WNT5A: variants seen among roughly 807,000 people sequenced by gnomAD.
WNT5A encodes protein Wnt-5a.
WNT5A carries 9 observed loss-of-function variants against 42.1 expected under a neutral mutation model. That is an observed-to-expected ratio of 0.21 (90% CI 0.13 to 0.37). The LOEUF is 0.37. Ranked by LOEUF, WNT5A falls within the 10% of genes least tolerant of loss-of-function variation. The pLI, the probability that WNT5A is intolerant of heterozygous loss-of-function variation, is 1.00. For missense variants in WNT5A, 426 were observed against 534.0 expected, an observed-to-expected ratio of 0.80 and a Z score of 1.99; for synonymous variants, 210 against 210.0, an observed-to-expected ratio of 1.00 and a Z score of 0.00.
chr3:55,470,441 G>T lies in WNT5A; in HGVS notation c.794C>A (p.Ala265Asp). 1 of 1,611,412 alleles carries T rather than the reference G, an allele frequency of 6.2e-7. No homozygotes were observed. Among genetic ancestry groups the T allele is most frequent in the Non-Finnish European group, 8.5e-7 (1 of 1,178,702 alleles). The change falls in exon 5 of 5, where the codon GCC becomes GAC. Residue 265 changes from alanine to aspartate, a missense_variant. By Grantham distance (126) the Ala-to-Asp change is moderately radical (BLOSUM62 -2). Coordinates refer to ENST00000264634, the MANE Select transcript of WNT5A (RefSeq NM_003392.7). ...QLADFRKVGD[A>D]LKEKYDSAAA... Reference sequence around the variant, plus strand: ...CGCGCTGTCGTACTTCTCCTTCAGGGCATCACCCACCTTGCGGAAGTCTGC... The same window carrying T: ...CGCGCTGTCGTACTTCTCCTTCAGGTCATCACCCACCTTGCGGAAGTCTGC...
chr3:55,502,851 TG>T, the WNT5A span, among the ~76,000 whole-genome samples: 2 of 152,224 alleles, frequency 1.3e-5, no homozygotes, highest in African/African-American at 4.8e-5. Flanking sequence ...AGCATTTGTG[TG>T]GGAAAGAGGA....
chr3:55,470,467 C>T lies in WNT5A; in HGVS notation c.768G>A (p.Leu256=). The T allele has an allele frequency of 1.9e-6, 3 of 1,608,910 alleles. No individual in the cohort carries two copies. Among genetic ancestry groups the T allele is most frequent in the South Asian group, 2.2e-5 (2 of 90,080 alleles). The change falls in exon 5 of 5, where the codon CTG becomes CTA. Residue 256 remains leucine, a synonymous_variant. Transcript: ENST00000264634. ...CATCACCCACCTTGCGGAAGTCTGC[C>T]AGCTGCAGCCAGCATGTCTTCAGGC... The part of the protein sequence containing the change: ...SCSLKTCWLQ[L]ADFRKVGDAL...
At chr3:55,488,740 C>T (rs925775083), upstream of WNT5A, among the ~76,000 whole-genome samples, 1 of 152,082 alleles carries the variant, frequency 6.6e-6, no homozygotes, top group Non-Finnish European at 1.5e-5. Context: ...CCAGAGCCAC[C>T]GACCGGCGGG....
chr3:55,466,404 C>T lies in WNT5A; in HGVS notation c.*3688G>A, dbSNP rs1416896488. 6.6e-6 allele frequency: 1 copy of T among 152,024 alleles called. No homozygotes were observed. Among genetic ancestry groups the T allele is most frequent in the South Asian group, 2.1e-4 (1 of 4,810 alleles). 9.4% of individuals were successfully genotyped at this position (152,024 alleles called of 1,614,324 possible). On this transcript the variant is annotated 3_prime_UTR_variant, in exon 5 of 5. Transcript: ENST00000264634. ...ATTCAGAGTATTTACTCTGCTATAG[C>T]GTCATATTTGATAATTCTAGTGGCT...
the WNT5A span, among the ~76,000 whole-genome samples, chr3:55,499,549 T>G: frequency 6.6e-6 from 1 of 152,238 alleles, no homozygotes; most frequent in Non-Finnish European, 1.5e-5. Flanking sequence ...TTTTTTCTGA[T>G]ACTATTTCAT....
intron 3 of WNT5A, 178 bp downstream of exon 3, chr3:55,479,136 A>C: frequency 1.9e-6 from 1 of 528,122 alleles, no homozygotes; most frequent in Middle Eastern, 5.4e-4. Context: ...AAAACTTATC[A>C]TCAGGTGTAG....
chr3:55,497,928 A>C, the WNT5A span, among the ~76,000 whole-genome samples: 35 of 152,340 alleles, frequency 2.3e-4, no homozygotes, highest in South Asian at 6.2e-4. Flanking sequence ...AAGAGCAGTG[A>C]GAGAGAATTA....
chr3:55,470,046 A>C lies in WNT5A; in HGVS notation c.*46T>G. On this transcript the variant is annotated 3_prime_UTR_variant, in exon 5 of 5. Transcript: ENST00000264634. ...AAACCAGAATCACTGTACTTTCTAT[A>C]AATAAGCGGGTCCTGGGAGCGGGGC... 6.2e-7 allele frequency: 1 copy of C among 1,610,498 alleles called. No homozygotes were observed. Among genetic ancestry groups the C allele is most frequent in the Non-Finnish European group, 8.5e-7 (1 of 1,177,024 alleles).
chr3:55,489,760 TCTC>T (rs1478646444), upstream of WNT5A: 4 of 152,308 alleles, frequency 2.6e-5, no homozygotes, highest in Admixed American at 2.6e-4. Flanking sequence ...CCTCTAACCT[TCTC>T]CTCTGTAAAC....
At chr3:55,472,245 C>G (rs562086508) in intron 4 of WNT5A, among the ~76,000 whole-genome samples, 3 of 152,240 alleles carry the variant, frequency 2.0e-5, no homozygotes, top group Non-Finnish European at 2.9e-5. Context: ...GCTTTTCAAA[C>G]TTCCCCAATC....
chr3:55,474,811 G>T (rs1233654661), intron 3 of WNT5A, among the ~76,000 whole-genome samples, 182 bp from the exon 4 acceptor site: 2 of 87,388 alleles, frequency 2.3e-5, no homozygotes, highest in Non-Finnish European at 4.7e-5. Context: ...GAGGTAGGAG[G>T]TGGGGGAGGT....
Position 55,470,350 on chromosome 3 carries a change from G to A in WNT5A, c.885C>T (p.Thr295=). The part of the protein sequence containing the change: ...VQVNSRFNSP[T]TQDLVYIDPS... The stretch of plus-strand genomic sequence containing the variant: ...GGTCGATGTAGACCAGGTCTTGTGT[G>A]GTGGGCGAGTTGAAGCGGCTGTTGA... The change falls in exon 5 of 5, where the codon ACC becomes ACT. Residue 295 remains threonine, a synonymous_variant. Coordinates refer to ENST00000264634, the MANE Select transcript of WNT5A (RefSeq NM_003392.7). 1.9e-6 allele frequency: 3 copies of A among 1,614,054 alleles called. No homozygotes were observed. The highest frequency in any genetic ancestry group is 2.5e-6 in the Non-Finnish European group (3 of 1,179,902).
rs773053795 is a variant in WNT5A, at chr3:55,470,116, G to T, written c.1119C>A (p.Ile373=). 4 of 1,614,096 alleles carry T rather than the reference G, an allele frequency of 2.5e-6. No homozygotes were observed. In the Admixed American group the frequency reaches 6.7e-5, roughly 27 times the overall value. ...ACTACTTGCACACAAACTGGTCCACGATCTCCGTGCACTTCTTGCACTTGA... is the reference window on the plus strand; with the variant it reads ...ACTACTTGCACACAAACTGGTCCACTATCTCCGTGCACTTCTTGCACTTGA... ...CYVKCKKCTE[I]VDQFVCK The change falls in exon 5 of 5, where the codon ATC becomes ATA. Residue 373 remains isoleucine, a synonymous_variant. Transcript: ENST00000264634.
At chr3:55,487,371 C>A, upstream of WNT5A, 1 of 275,824 alleles carries the variant, frequency 3.6e-6, no homozygotes, top group Non-Finnish European at 6.7e-6. Context: ...TTTCCAACCC[C>A]AAATGTGGGC....
chr3:55,470,381 A>G lies in WNT5A; in HGVS notation c.854T>C (p.Val285Ala). ...CGAGTTGAAGCGGCTGTTGACCTGT[A>G]CCAACTTGCCCCGGCTGTTGAGCCG... ...AMRLNSRGKL[V>A]QVNSRFNSPT... is the part of the protein sequence containing the mutation. The change falls in exon 5 of 5, where the codon GTA becomes GCA. Residue 285 changes from valine (V) to alanine (A), a missense_variant. By Grantham distance (64) the Val-to-Ala change is moderately conservative. Coordinates refer to ENST00000264634, the MANE Select transcript of WNT5A (RefSeq NM_003392.7). The G allele has an allele frequency of 6.2e-7, 1 of 1,613,936 alleles. No individual in the cohort carries two copies. The highest frequency in any genetic ancestry group is 8.5e-7 in the Non-Finnish European group (1 of 1,179,854).
upstream of WNT5A, chr3:55,488,199 C>T (rs2051611393): frequency 6.6e-6 from 1 of 152,528 alleles, no homozygotes; most frequent in Non-Finnish European, 1.5e-5. Flanking sequence ...GAAGGGCTCG[C>T]TGGGCAGCTG....
At chr3:55,480,688 C>T (rs2051441406) in intron 2 of WNT5A, 97 bp downstream of exon 2, 2 of 1,281,646 alleles carry the variant, frequency 1.6e-6, no homozygotes, top group Non-Finnish European at 2.1e-6. Flanking sequence ...TAAATACACC[C>T]ACACTCACTA....
rs762576376 is a variant in WNT5A, at chr3:55,470,230, G to A, written c.1005C>T (p.Cys335=). 1.1e-5 allele frequency: 17 copies of A among 1,613,948 alleles called. No homozygotes were observed. In the Admixed American group the frequency reaches 2.2e-4, roughly 21 times the overall value. ...CNKTSEGMDG[C]ELMCCGRGYD... ...AGCCACGGCCGCAGCACATGAGCTC[G>A]CAGCCATCCATGCCCTCCGACGTCT... The change falls in exon 5 of 5, where the codon TGC becomes TGT. Residue 335 remains cysteine, a synonymous_variant. Coordinates refer to ENST00000264634, the MANE Select transcript of WNT5A (RefSeq NM_003392.7).
Position 55,479,692 on chromosome 3 carries a change from A to C in WNT5A, c.141-128T>G, listed in dbSNP as rs1575402889. 2.3e-6 allele frequency: 3 copies of C among 1,295,848 alleles called. No homozygotes were observed. The East Asian group carries it at 7.1e-5, about 31-fold the overall frequency. 80.3% of individuals were successfully genotyped at this position (1,295,848 alleles called of 1,614,324 possible). On this transcript the variant is annotated intron_variant, in intron 2 of 4. Transcript: ENST00000264634. ...TTTCTCTCCTGCTTGTCCTCATGAC[A>C]AAGTATGAGAAGGGCTTCATAAAAC...
Sources: gnomAD v4.1 joint callset for allele counts (sites outside exome capture counted in the v4.1 genomes callset) on GRCh38, gnomAD v4.1.1 for gene constraint, MANE v1.5 for transcripts, NCBI Gene and HGNC (gene_info 2026-07-23, HGNC 2026-07-21) for gene names.